The following TRPS1 variants were observed in gnomAD, a reference collection of about 807,000 sequenced individuals.
TRPS1 encodes zinc finger transcription factor Trps1.
Under a neutral mutation model 101.2 loss-of-function variants are expected in TRPS1, and 6 were observed. The observed-to-expected ratio is 0.06, with a 90% CI of 0.03 to 0.12. The LOEUF (loss-of-function observed/expected upper bound fraction) is 0.12, where lower values mean the gene tolerates loss of function less well. TRPS1 is among the 10% of genes least tolerant of loss of function. The pLI, the probability that TRPS1 is intolerant of heterozygous loss-of-function variation, is 1.00. For missense variants in TRPS1, 1,363 were observed against 1,567.0 expected (o/e 0.87, Z 2.20); for synonymous variants, 578 against 589.8 (o/e 0.98, Z 0.29).
At chr8:115,417,035 A>T (rs1008598867) in intron 6 of TRPS1, among the ~76,000 whole-genome samples, 1 of 152,172 alleles carries the variant, frequency 6.6e-6, no homozygotes, top group Non-Finnish European at 1.5e-5. Context: ...AAAACTGAAA[A>T]CATCTTACCT....
intron 5 of TRPS1, among the ~76,000 whole-genome samples, chr8:115,526,614 TAAC>T (rs140903511): frequency 5.3e-5 from 8 of 152,226 alleles, no homozygotes; most frequent in African/African-American, 1.9e-4. Context: ...AATTTTAAAA[TAAC>T]AAAATCACAG....
At chr8:115,459,867 G>C (rs752533635) in intron 5 of TRPS1, among the ~76,000 whole-genome samples, 3 of 152,080 alleles carry the variant, frequency 2.0e-5, no homozygotes, top group Non-Finnish European at 2.9e-5. Flanking sequence ...CTTTTTTGTA[G>C]ACCAGTGGAG....
At chr8:115,516,494 A>G (rs968566727) in intron 5 of TRPS1, among the ~76,000 whole-genome samples, 1 of 151,626 alleles carries the variant, frequency 6.6e-6, no homozygotes, top group Non-Finnish European at 1.5e-5. Flanking sequence ...TAACATTAAT[A>G]TTAGTTTGGA....
At chr8:115,557,951 T>C (rs187299519) in intron 5 of TRPS1, among the ~76,000 whole-genome samples, 30 of 152,254 alleles carry the variant, frequency 2.0e-4, no homozygotes, top group African/African-American at 6.5e-4. Flanking sequence ...ACAAAAACAC[T>C]ACTACTTGTA....
intron 2 of TRPS1, among the ~76,000 whole-genome samples, chr8:115,620,329 A>AGT: frequency 6.6e-6 from 1 of 152,136 alleles, no homozygotes; most frequent in Non-Finnish European, 1.5e-5. Flanking sequence ...TTTTATTACT[A>AGT]GGTTTACCCT....
At chr8:115,649,109 T>A (rs1466489947) in intron 1 of TRPS1, among the ~76,000 whole-genome samples, 4 of 152,222 alleles carry the variant, frequency 2.6e-5, no homozygotes, top group African/African-American at 9.6e-5. Context: ...AACAAGAGAC[T>A]GCAGATATCG....
intron 5 of TRPS1, among the ~76,000 whole-genome samples, chr8:115,585,124 G>A (rs1206096100): frequency 6.6e-6 from 1 of 152,112 alleles, no homozygotes; most frequent in African/African-American, 2.4e-5. Context: ...ACACAGCTAA[G>A]GAATCTCTTG....
At chr8:115,532,985 G>C (rs569301919) in intron 5 of TRPS1, among the ~76,000 whole-genome samples, 32 of 152,290 alleles carry the variant, frequency 2.1e-4, no homozygotes, top group African/African-American at 6.5e-4. Flanking sequence ...AAGTTCAGCA[G>C]CTATTGTGAG....
chr8:115,631,287 C>A (rs183473718), intron 1 of TRPS1, among the ~76,000 whole-genome samples: 51 of 152,044 alleles, frequency 3.4e-4, no homozygotes. Flanking sequence ...CTCTTCAAAC[C>A]AGAAAATATA....
At chr8:115,507,029 C>A (rs1815461481) in intron 5 of TRPS1, among the ~76,000 whole-genome samples, 1 of 152,002 alleles carries the variant, frequency 6.6e-6, no homozygotes, top group East Asian at 1.9e-4. Flanking sequence ...ATCTCCCTTA[C>A]AGTAAGTAGC....
chr8:115,499,733 T>A (rs2130138108), intron 5 of TRPS1, among the ~76,000 whole-genome samples: 1 of 152,280 alleles, frequency 6.6e-6, no homozygotes, highest in Non-Finnish European at 1.5e-5. Flanking sequence ...GCTGCTTTAG[T>A]GTTCTTGTAG....
intron 5 of TRPS1, among the ~76,000 whole-genome samples, chr8:115,542,257 C>T (rs914658647): frequency 3.3e-5 from 5 of 152,082 alleles, no homozygotes; most frequent in East Asian, 3.9e-4. Flanking sequence ...TTTAAATGCA[C>T]GTTTTATTTG....
At chr8:115,546,321 TAAAC>T (rs1816570002) in intron 5 of TRPS1, among the ~76,000 whole-genome samples, 1 of 151,972 alleles carries the variant, frequency 6.6e-6, no homozygotes, top group South Asian at 2.1e-4. Context: ...AAATGCTAAA[TAAAC>T]AAAAAATATA....
rs1456121514 is a variant in TRPS1 at position 115,418,557 on chromosome 8, T to C, written c.2701-105A>G. ...GTCTTTAAACTAGCAACAATGACAG[T>C]ATAAAACCACACTGCCCATAATGAG... On this transcript the variant is annotated intron_variant, in intron 5 of 6. Coordinates refer to ENST00000395715, the MANE Select transcript of TRPS1 (RefSeq NM_014112.5). The surrounding 1 kb of genome is among the most constrained non-coding windows in gnomAD (Gnocchi z 4.3). 1.3e-6 allele frequency: 2 copies of C among 1,500,436 alleles called. No homozygotes were observed. The highest frequency in any genetic ancestry group is 3.4e-5 in the Admixed American group (2 of 58,332). The allele number at this position is 1,500,436 out of a possible 1,614,324, so 92.9% of individuals were successfully genotyped here. A position where few individuals can be genotyped will look rare whatever the true frequency, so the allele number is the denominator to read the frequency against.
intron 1 of TRPS1, among the ~76,000 whole-genome samples, chr8:115,654,826 A>G (rs565747410): frequency 6.6e-6 from 1 of 152,358 alleles, no homozygotes; most frequent in African/African-American, 2.4e-5. Context: ...TTTGATGCCC[A>G]TATCTAAAGT....
intron 5 of TRPS1, among the ~76,000 whole-genome samples, chr8:115,507,734 T>C (rs775766163): frequency 1.8e-4 from 28 of 152,120 alleles, no homozygotes; most frequent in Non-Finnish European, 3.7e-4. Flanking sequence ...ATAGACCTTT[T>C]CTTTTGGGAC....
intron 5 of TRPS1, among the ~76,000 whole-genome samples, chr8:115,573,987 C>T (rs1271216151): frequency 6.6e-6 from 1 of 152,122 alleles, no homozygotes; most frequent in East Asian, 1.9e-4. Flanking sequence ...CCTCTTTAAA[C>T]AATCATAATC....
rs1281452385 is a variant in TRPS1 at position 115,409,315 on chromosome 8, A to G, written c.*4708T>C. On this transcript the variant is annotated 3_prime_UTR_variant, in exon 7 of 7. Transcript: ENST00000395715. ...AACCAGAATTGAGTTTTGGGACTCT[A>G]TGCTCTAGAAGGACAATTTTCTCTG... is the stretch of plus-strand genomic sequence containing the variant. 6.9e-6 allele frequency: 1 copy of G among 144,166 alleles called. No homozygotes were observed. The highest frequency in any genetic ancestry group is 2.2e-4 in the East Asian group (1 of 4,642). 8.9% of individuals were successfully genotyped at this position (144,166 alleles called of 1,614,324 possible).
chr8:115,472,008 C>T (rs926751164), intron 5 of TRPS1, among the ~76,000 whole-genome samples: 2 of 152,196 alleles, frequency 1.3e-5, no homozygotes, highest in Admixed American at 1.3e-4. Flanking sequence ...TTCTAGGCAA[C>T]TGGTGCAAGC....
Sources: allele counts gnomAD v4.1 joint callset (sites outside exome capture counted in the v4.1 genomes callset), GRCh38; gene constraint gnomAD v4.1.1; non-coding constraint Gnocchi (gnomAD v3.1); transcripts MANE v1.5; gene names NCBI Gene and HGNC (gene_info 2026-07-23, HGNC 2026-07-21).